The following CFHR5 variants were observed in gnomAD, a reference collection of about 807,000 sequenced individuals.
CFHR5 encodes the protein complement factor H related 5.
In CFHR5, 73 loss-of-function variants were observed where a neutral mutation model predicts 62.9. The ratio of observed to expected loss-of-function variants is 1.16; its 90% CI spans 0.96 to 1.41. CFHR5 has a LOEUF of 1.41. Among genes scored for constraint, CFHR5 ranks in the 40% most tolerant of loss-of-function variants. The probability of loss-of-function intolerance (pLI) is 0.00; values close to 1 mark genes in which losing one functional copy is unlikely to be tolerated. For synonymous variants in CFHR5, 249 were observed against 227.2 expected, an observed-to-expected ratio of 1.10 and a Z score of -0.86; for missense variants, 779 against 679.9, an observed-to-expected ratio of 1.15 and a Z score of -1.62.
At chr1:196,994,512 T>C (rs1172837155) in intron 4 of CFHR5, among the ~76,000 whole-genome samples, 1 of 152,170 alleles carries the variant, frequency 6.6e-6, no homozygotes, top group African/African-American at 2.4e-5. Context: ...AATTGAGACG[T>C]CTTAGGATTT....
intron 9 of CFHR5, among the ~76,000 whole-genome samples, chr1:197,007,313 G>A (rs893499157): frequency 2.0e-5 from 3 of 151,880 alleles, no homozygotes; most frequent in East Asian, 1.9e-4. Flanking sequence ...AAAATTTCTC[G>A]ATTTATGGAG....
chr1:196,978,692 T>G (rs933242860), intron 1 of CFHR5, among the ~76,000 whole-genome samples: 1 of 152,190 alleles, frequency 6.6e-6, no homozygotes, highest in East Asian at 1.9e-4. Flanking sequence ...TTGTTTTCAC[T>G]TTTAGTACTG....
At position 196,977,558 on chromosome 1, in the gene CFHR5, T is replaced by C. The variant is rs1183442459; in HGVS notation, c.-107T>C. On this transcript the variant is annotated 5_prime_UTR_variant, in exon 1 of 10. Coordinates refer to ENST00000256785, the MANE Select transcript of CFHR5 (RefSeq NM_030787.4). ...CTTTACTAAACTAGCTTCCCCTTAG[T>C]ACATTGAAATTCAAAGTCATGCTTG... 1.1e-6 allele frequency: 1 copy of C among 910,570 alleles called. No homozygotes were observed. Among genetic ancestry groups the C allele is most frequent in the Non-Finnish European group, 1.9e-6 (1 of 540,292 alleles). The allele number at this position is 910,570 out of a possible 1,614,324, so 56.4% of individuals were successfully genotyped here. A position where few individuals can be genotyped will look rare whatever the true frequency, so the allele number is the denominator to read the frequency against.
At chr1:196,980,586 A>G (rs1028407170) in intron 1 of CFHR5, among the ~76,000 whole-genome samples, 2 of 130,260 alleles carry the variant, frequency 1.5e-5, no homozygotes, top group East Asian at 2.4e-4. Flanking sequence ...ATGTCTGTAT[A>G]TATACGTGTG....
At chr1:196,977,222 A>G (rs1653417491), upstream of CFHR5, among the ~76,000 whole-genome samples, 1 of 151,014 alleles carries the variant, frequency 6.6e-6, no homozygotes, top group Non-Finnish European at 1.5e-5. Flanking sequence ...CAAAAGTGAT[A>G]TTGTTGTATT....
At position 196,981,986 on chromosome 1, in the gene CFHR5, C is replaced by T. The variant is rs774091917; in HGVS notation, c.59-899C>T. Among the ~76,000 whole-genome samples the T allele has an allele frequency of 1.5e-4, 23 of 151,810 alleles. No homozygotes were observed. In the South Asian group the frequency reaches 1.7e-3, roughly 11 times the overall value. On this transcript the variant is annotated intron_variant, in intron 1 of 9. Transcript: ENST00000256785. Reference sequence around the variant, plus strand: ...CCAGAATTTAGCTCTAATTTTATCTCGGTTGAGTTGTTCTTAGTGATTTTC... The same window carrying T: ...CCAGAATTTAGCTCTAATTTTATCTTGGTTGAGTTGTTCTTAGTGATTTTC...
chr1:196,983,981 G>A lies in CFHR5; in HGVS notation c.274G>A (p.Val92Met). 6.2e-7 allele frequency: 1 copy of A among 1,609,424 alleles called. No homozygotes were observed. Among genetic ancestry groups the A allele is most frequent in the Non-Finnish European group, 8.5e-7 (1 of 1,177,180 alleles). Reference sequence around the variant, plus strand: ...CTTAGGAATGTGTTCCTTTCCTTTTGTGAAAAATGGTCATTCTGAATCTTC... The same window carrying A: ...CTTAGGAATGTGTTCCTTTCCTTTTATGAAAAATGGTCATTCTGAATCTTC... Reference protein sequence around the residue: ...KCLRMCSFPFVKNGHSESSGL... With the variant: ...KCLRMCSFPFMKNGHSESSGL... Residue 92 changes from valine to methionine, a missense_variant, in exon 3 of 10, where the codon GTG becomes ATG. Transcript: ENST00000256785.
At chr1:196,979,892 T>C (rs550634844) in intron 1 of CFHR5, among the ~76,000 whole-genome samples, 2 of 152,252 alleles carry the variant, frequency 1.3e-5, no homozygotes, top group South Asian at 4.2e-4. Flanking sequence ...AGCTTTCTAC[T>C]TTATCAACTG....
At chr1:196,984,750 C>T (rs1653636373) in intron 3 of CFHR5, among the ~76,000 whole-genome samples, 1 of 152,178 alleles carries the variant, frequency 6.6e-6, no homozygotes, top group Non-Finnish European at 1.5e-5. Context: ...TGCTTACACA[C>T]CTCAGTATTC....
Position 197,008,493 on chromosome 1 carries a change from G to A in CFHR5, c.1520G>A (p.Cys507Tyr), listed in dbSNP as rs1654349409. 4 of 1,584,080 alleles carry A rather than the reference G, an allele frequency of 2.5e-6. No homozygotes were observed. Among genetic ancestry groups the A allele is most frequent in the Admixed American group, 3.4e-5 (2 of 59,346 alleles). The change falls in exon 10 of 10, where the codon TGT (cysteine) becomes TAT (tyrosine). Residue 507 changes from cysteine to tyrosine, a missense_variant. Physicochemically the swap from Cys to Tyr is radical, Grantham distance 194. Transcript: ENST00000256785. The part of the protein sequence containing the change: ...WSEPPRCLDP[C>Y]VVSEENMNKN... ...TTACCATTTCTTCTTTCAGATCCAT[G>A]TGTGGTATCTGAAGAAAACATGAAC...
chr1:196,980,079 G>A (rs1653500097), intron 1 of CFHR5, among the ~76,000 whole-genome samples: 1 of 151,890 alleles, frequency 6.6e-6, no homozygotes, highest in Admixed American at 6.6e-5. Context: ...ATTAACCTCG[G>A]CCTACGGAGG....
At position 197,004,467 on chromosome 1, in the gene CFHR5, G is replaced by A. The variant is rs545707950; in HGVS notation, c.1331-194G>A. ...CCTGCCTTCAATAAAAAGTATTCCC[G>A]GTATTTTATATGAATTTCACTTTAA... On this transcript the variant is annotated intron_variant, in intron 8 of 9. Transcript: ENST00000256785. 3.9e-5 allele frequency among the ~76,000 whole-genome samples: 6 copies of A among 151,960 alleles called. No individual in the cohort carries two copies. The South Asian group carries it at 1.0e-3, about 26-fold the overall frequency.
At chr1:197,001,193 C>T (rs917864063) in intron 7 of CFHR5, among the ~76,000 whole-genome samples, 36 of 152,062 alleles carry the variant, frequency 2.4e-4, no homozygotes, top group African/African-American at 8.7e-4. Flanking sequence ...TCATATAAAA[C>T]ATAAAATACG....
intron 6 of CFHR5, among the ~76,000 whole-genome samples, chr1:196,997,005 C>T (rs1337390591): frequency 6.6e-6 from 1 of 151,994 alleles, no homozygotes; most frequent in Non-Finnish European, 1.5e-5. Context: ...CAGATCCTGG[C>T]CTCTTTTGTC....
intron 4 of CFHR5, among the ~76,000 whole-genome samples, chr1:196,994,634 A>C (rs376620151): frequency 6.6e-6 from 1 of 152,232 alleles, no homozygotes; most frequent in East Asian, 1.9e-4. Context: ...ATTATTCATT[A>C]GAAAACAGTG....
intron 3 of CFHR5, among the ~76,000 whole-genome samples, chr1:196,991,594 T>A (rs1450492053): frequency 4.6e-5 from 7 of 152,184 alleles, no homozygotes; most frequent in Non-Finnish European, 1.0e-4. Context: ...TTTCTTTCGT[T>A]TTTTAGTTTT....
intron 3 of CFHR5, among the ~76,000 whole-genome samples, chr1:196,988,274 G>A (rs1045100754): frequency 1.8e-4 from 28 of 152,154 alleles, no homozygotes; most frequent in African/African-American, 6.8e-4. Flanking sequence ...TTTGGGCTGA[G>A]ACGATGGGGT....
chr1:197,008,169 G>A (rs1654341304), intron 9 of CFHR5, among the ~76,000 whole-genome samples: 1 of 151,120 alleles, frequency 6.6e-6, no homozygotes, highest in South Asian at 2.1e-4. Context: ...ATTCATGCTG[G>A]TAGAATTTTT....
At chr1:196,987,770 A>T (rs2125029522) in intron 3 of CFHR5, among the ~76,000 whole-genome samples, 1 of 152,262 alleles carries the variant, frequency 6.6e-6, no homozygotes, top group East Asian at 1.9e-4. Context: ...CTTGTAGTAT[A>T]GCCTTGTAGT....
Sources: allele counts gnomAD v4.1 joint callset (sites outside exome capture counted in the v4.1 genomes callset), GRCh38; gene constraint gnomAD v4.1.1; transcripts MANE v1.5; gene names NCBI Gene and HGNC (gene_info 2026-07-23, HGNC 2026-07-21).